Variants in DIAPH2 observed in about 807,000 individuals in gnomAD.
DIAPH2 encodes diaphanous related formin 2, also known as protein diaphanous homolog 2.
A neutral mutation model predicts 92.7 loss-of-function variants in DIAPH2; 35 were observed. The ratio of observed to expected loss-of-function variants is 0.38; its 90% CI spans 0.29 to 0.50. DIAPH2 has a LOEUF of 0.50. Among genes scored for constraint, DIAPH2 ranks in the 20% least tolerant of loss-of-function variants. The probability of loss-of-function intolerance (pLI) is 0.94; values close to 1 mark genes in which losing one functional copy is unlikely to be tolerated. For missense variants in DIAPH2, 701 were observed against 819.5 expected (o/e 0.86, Z 1.77); for synonymous variants, 301 against 280.4 (o/e 1.07, Z -0.73).
intron 26 of DIAPH2, among the ~76,000 whole-genome samples, chrX:97,442,341 A>G (rs1165751525): frequency 8.9e-6 from 1 of 112,733 alleles, no homozygotes; most frequent in Non-Finnish European, 1.9e-5. Context: ...CTTGCAATTC[A>G]GGAATAAATG....
chrX:96,756,096 G>A (rs1376409502), intron 3 of DIAPH2, among the ~76,000 whole-genome samples: 1 of 111,414 alleles, frequency 9.0e-6, no homozygotes, highest in Non-Finnish European at 1.9e-5. Context: ...AAACTCCTGG[G>A]CCCAAGTGAT....
At chrX:96,705,211 C>T (rs867159707) in intron 1 of DIAPH2, among the ~76,000 whole-genome samples, 17 of 110,450 alleles carry the variant, frequency 1.5e-4, no homozygotes, top group Non-Finnish European at 7.6e-5. Context: ...CCTCATGATC[C>T]GCCCGCCTCG....
chrX:97,259,122 C>T (rs2147567346), intron 23 of DIAPH2, among the ~76,000 whole-genome samples: 1 of 109,219 alleles, frequency 9.2e-6, no homozygotes, highest in East Asian at 3.0e-4. Context: ...GGCATGGTGG[C>T]ACGTGCCACC....
At chrX:97,317,203 A>G (rs1292047445) in intron 23 of DIAPH2, among the ~76,000 whole-genome samples, 1 of 111,865 alleles carries the variant, frequency 8.9e-6, no homozygotes, top group African/African-American at 3.2e-5. Flanking sequence ...TAGCCCAATC[A>G]CCACTTTTCT....
intron 21 of DIAPH2, among the ~76,000 whole-genome samples, chrX:97,128,734 G>T (rs143930540): frequency 1.8e-5 from 2 of 112,174 alleles, no homozygotes; most frequent in Non-Finnish European, 3.8e-5. Context: ...CCATGGTTTC[G>T]CCTTCTTCTA....
At chrX:97,129,177 T>G (rs1481287476) in intron 21 of DIAPH2, among the ~76,000 whole-genome samples, 1 of 106,546 alleles carries the variant, frequency 9.4e-6, no homozygotes, top group Non-Finnish European at 1.9e-5. Flanking sequence ...TTCTTTTCTT[T>G]TCTTTCCTCT....
chrX:97,092,779 C>T (rs1247464238), intron 19 of DIAPH2, among the ~76,000 whole-genome samples: 1 of 111,342 alleles, frequency 9.0e-6, no homozygotes, highest in African/African-American at 3.3e-5. Flanking sequence ...ATAATGAATC[C>T]TAGCATTGGT....
At chrX:97,426,479 G>A (rs1446435819) in intron 25 of DIAPH2, among the ~76,000 whole-genome samples, 2 of 109,520 alleles carry the variant, frequency 1.8e-5, no homozygotes, top group South Asian at 4.0e-4. Flanking sequence ...TAGTAGAATC[G>A]GGGTTTCACC....
chrX:97,051,366 G>T (rs977286238), intron 17 of DIAPH2, among the ~76,000 whole-genome samples: 14 of 110,111 alleles, frequency 1.3e-4, no homozygotes, highest in Non-Finnish European at 2.7e-4. Flanking sequence ...GGTTTGGGGG[G>T]TGTGTTTAGC....
rs111986688 is a variant in DIAPH2 at position 97,115,227 on chromosome X, C to T, written c.2589+262C>T. Among the ~76,000 whole-genome samples, 746 of 111,389 alleles carry T rather than the reference C, an allele frequency of 6.7e-3. 10 individuals carry two copies. Among genetic ancestry groups the T allele is most frequent in the African/African-American group, 0.023 (711 of 30,659 alleles). On this transcript the variant is annotated intron_variant, in intron 21 of 26. Coordinates refer to ENST00000324765, the MANE Select transcript of DIAPH2 (RefSeq NM_006729.5). ...ACTGAAGTTTATAGACAAAAAAATCCCACTTTTATAAACTAGATGCAGTAT... is the reference window on the plus strand; with the variant it reads ...ACTGAAGTTTATAGACAAAAAAATCTCACTTTTATAAACTAGATGCAGTAT...
At chrX:96,761,658 C>G (rs1172384561) in intron 4 of DIAPH2, among the ~76,000 whole-genome samples, 1 of 111,234 alleles carries the variant, frequency 9.0e-6, no homozygotes, top group Non-Finnish European at 1.9e-5. Flanking sequence ...TTTTGCAATG[C>G]AAATGAATCA....
rs374245961 is a variant in DIAPH2, at chrX:96,807,889, T to C, written c.447+49631T>C. Among the ~76,000 whole-genome samples, 29 of 88,607 alleles carry C rather than the reference T, an allele frequency of 3.3e-4. 1 individual carries two copies. Among genetic ancestry groups the C allele is most frequent in the Admixed American group, 2.5e-3 (16 of 6,367 alleles). The allele number at this position is 88,607 out of a possible 115,157, so 76.9% of individuals were successfully genotyped here. A position where few individuals can be genotyped will look rare whatever the true frequency, so the allele number is the denominator to read the frequency against. On this transcript the variant is annotated intron_variant, in intron 4 of 26. Coordinates refer to ENST00000324765, the MANE Select transcript of DIAPH2 (RefSeq NM_006729.5). The stretch of plus-strand genomic sequence containing the variant: ...AGAGGACACCTGGTCTATGAGGCTA[T>C]TGGGGAGGATGGAACTCCATCTACC...
chrX:97,322,789 G>T (rs1198434820), intron 23 of DIAPH2, among the ~76,000 whole-genome samples: 1 of 110,988 alleles, frequency 9.0e-6, no homozygotes, highest in Admixed American at 9.7e-5. Context: ...CTAAAAAGTA[G>T]GTTGTTGATA....
At chrX:97,098,138 A>G (rs958016906) in intron 19 of DIAPH2, among the ~76,000 whole-genome samples, 4 of 111,923 alleles carry the variant, frequency 3.6e-5, no homozygotes, top group Non-Finnish European at 7.5e-5. Context: ...GGTATAGTAC[A>G]GTTGTTTTCC....
At chrX:97,093,322 C>T (rs980703020) in intron 19 of DIAPH2, among the ~76,000 whole-genome samples, 6 of 111,304 alleles carry the variant, frequency 5.4e-5, no homozygotes, top group South Asian at 3.8e-4. Flanking sequence ...GAGGAAAGCA[C>T]GCCAAACAGA....
chrX:97,495,381 TACTTAGATG>T (rs1303866566), intron 26 of DIAPH2, among the ~76,000 whole-genome samples: 2 of 112,295 alleles, frequency 1.8e-5, no homozygotes, highest in Admixed American at 1.9e-4. Context: ...AAGTTTCCTT[TACTTAGATG>T]AGCAATATAA....
At chrX:96,962,420 CATATATATACAT>C (rs1422255725) in intron 16 of DIAPH2, among the ~76,000 whole-genome samples, 3 of 60,168 alleles carry the variant, frequency 5.0e-5, no homozygotes, top group African/African-American at 7.8e-5. Context: ...TATATATACA[CATATATATACAT>C]ATATATATAC....
chrX:97,579,520 G>T (rs1283236729), intron 26 of DIAPH2, among the ~76,000 whole-genome samples: 1 of 111,066 alleles, frequency 9.0e-6, no homozygotes, highest in Non-Finnish European at 1.9e-5. Context: ...CTGTTCCATT[G>T]ATCTATATCT....
intron 22 of DIAPH2, among the ~76,000 whole-genome samples, chrX:97,160,006 A>G (rs1000099912): frequency 3.8e-4 from 41 of 108,816 alleles, no homozygotes; most frequent in African/African-American, 1.3e-3. Flanking sequence ...ACAAGGCGCC[A>G]AGCAAGGAAA....
Sources: gnomAD v4.1 joint callset for allele counts (sites outside exome capture counted in the v4.1 genomes callset) on GRCh38, gnomAD v4.1.1 for gene constraint, MANE v1.5 for transcripts, NCBI Gene and HGNC (gene_info 2026-07-23, HGNC 2026-07-21) for gene names.